PHKA2: variants seen among roughly 807,000 people sequenced by gnomAD.
PHKA2 encodes the protein phosphorylase b kinase regulatory subunit alpha, liver isoform.
Under a neutral mutation model 102.0 loss-of-function variants are expected in PHKA2, and 31 were observed. The ratio of observed to expected loss-of-function variants is 0.30; its 90% CI spans 0.23 to 0.41. The LOEUF is 0.41. Among genes scored for constraint, PHKA2 ranks in the 10% least tolerant of loss-of-function variants. PHKA2 has a pLI of 1.00. For missense variants in PHKA2, 858 were observed against 1,023.1 expected (o/e 0.84, Z 2.20); for synonymous variants, 455 against 416.2 (o/e 1.09, Z -1.13).
At chrX:18,912,225 A>C (rs1257568292) in intron 19 of PHKA2, among the ~76,000 whole-genome samples, 1 of 112,402 alleles carries the variant, frequency 8.9e-6, no homozygotes, top group African/African-American at 3.2e-5. Flanking sequence ...AAATATATAC[A>C]GTCATGCATT....
intron 1 of PHKA2, among the ~76,000 whole-genome samples, chrX:18,970,262 T>C (rs1322502932): frequency 3.6e-5 from 4 of 112,436 alleles, no homozygotes; most frequent in Non-Finnish European, 7.5e-5. Context: ...ATTTATCATA[T>C]ACAACATGTT....
At chrX:18,952,570 C>T (rs192011010) in intron 2 of PHKA2, 29 bp from the exon 3 acceptor site, 14 of 1,194,621 alleles carry the variant, frequency 1.2e-5, no homozygotes, top group East Asian at 5.9e-5. Context: ...ATCAGCAACA[C>T]GGCCCAGGGT....
chrX:18,934,576 G>A (rs760221234), intron 11 of PHKA2, among the ~76,000 whole-genome samples: 5 of 112,000 alleles, frequency 4.5e-5, no homozygotes, highest in South Asian at 7.4e-4. Flanking sequence ...TACTTCTCAC[G>A]GAAACTCCTT....
intron 11 of PHKA2, among the ~76,000 whole-genome samples, chrX:18,932,813 G>A (rs946784688): frequency 2.7e-5 from 3 of 111,129 alleles, no homozygotes; most frequent in Non-Finnish European, 3.8e-5. Flanking sequence ...AATGTAAGTC[G>A]TGTTAAGAAA....
Position 18,952,621 on chromosome X carries a change from C to T in PHKA2, c.238-80G>A. 2.1e-6 allele frequency: 2 copies of T among 975,062 alleles called. 1 individual carries two copies. The highest frequency in any genetic ancestry group is 5.4e-4 in the Middle Eastern group (2 of 3,688). The allele number at this position is 975,062 out of a possible 1,213,427, so 80.4% of individuals were successfully genotyped here. ...ATCACCTCCTGATCACTGTGGCTGG[C>T]AAGCCAGTGCTGCCCAGCAACTGCC... On this transcript the variant is annotated intron_variant, in intron 2 of 32. Coordinates refer to ENST00000379942, the MANE Select transcript of PHKA2 (RefSeq NM_000292.3).
At chrX:18,899,573 T>C (rs899314059) in intron 28 of PHKA2, among the ~76,000 whole-genome samples, 1 of 112,541 alleles carries the variant, frequency 8.9e-6, no homozygotes, top group Non-Finnish European at 1.9e-5. Context: ...AATGCTCACA[T>C]TTTATGGTAA....
chrX:18,895,468 G>A, intron 30 of PHKA2: 3 of 368,203 alleles, frequency 8.1e-6, no homozygotes, highest in Non-Finnish European at 9.6e-6. Flanking sequence ...GGGAGGCTCC[G>A]CATTGTACTT....
chrX:18,909,268 G>A lies in PHKA2; in HGVS notation c.2227-334C>T, dbSNP rs150644158. On this transcript the variant is annotated intron_variant, in intron 20 of 32. Coordinates refer to ENST00000379942, the MANE Select transcript of PHKA2 (RefSeq NM_000292.3). ...CCAGAAAAGGAGAAAGAGATGGGAG[G>A]GGGGCACAGAAGGTGGTCATTGATC... Among the ~76,000 whole-genome samples, 405 of 112,196 alleles carry A rather than the reference G, an allele frequency of 3.6e-3. 1 individual carries two copies. Among genetic ancestry groups the A allele is most frequent in the Non-Finnish European group, 6.1e-3 (325 of 53,208 alleles).
chrX:18,899,309 G>A lies in PHKA2; in HGVS notation c.3058-83C>T, dbSNP rs185271262. 999 of 793,762 alleles carry A rather than the reference G, an allele frequency of 1.3e-3. 8 individuals carry two copies. In the African/African-American group the frequency reaches 0.016, roughly 13 times the overall value. The allele number at this position is 793,762 out of a possible 1,213,427, so 65.4% of individuals were successfully genotyped here. A position where few individuals can be genotyped will look rare whatever the true frequency, so the allele number is the denominator to read the frequency against. ...AGAGGAGGGTCATGGAGCAGCATCC[G>A]AAACACCCACAGAAAGCAGCAGCAG... On this transcript the variant is annotated intron_variant, in intron 28 of 32. Transcript: ENST00000379942.
chrX:18,942,986 A>T (rs1601764993), intron 7 of PHKA2, among the ~76,000 whole-genome samples: 1 of 111,276 alleles, frequency 9.0e-6, no homozygotes, highest in African/African-American at 3.3e-5. Flanking sequence ...TTCTATAGCC[A>T]ACTGAGCCCA....
intron 20 of PHKA2, among the ~76,000 whole-genome samples, chrX:18,910,494 A>G (rs1394189723): frequency 9.0e-6 from 1 of 111,673 alleles, no homozygotes; most frequent in Non-Finnish European, 1.9e-5. Context: ...TAAAAAGGCC[A>G]TTAGGAACAA....
At chrX:18,898,318 G>A (rs767073774) in intron 29 of PHKA2, 2 of 112,803 alleles carry the variant, frequency 1.8e-5, no homozygotes, top group South Asian at 3.6e-4. Flanking sequence ...CTGGCGGGGC[G>A]GGCCTCTGTG....
chrX:18,959,507 T>A lies in PHKA2; in HGVS notation c.79-5095A>T, dbSNP rs186774886. 3.2e-4 allele frequency among the ~76,000 whole-genome samples: 36 copies of A among 111,631 alleles called. No individual in the cohort carries two copies. In the East Asian group the frequency reaches 9.5e-3, roughly 30 times the overall value. The stretch of plus-strand genomic sequence containing the variant: ...TTACTGGTGAAGATATTTTATCACA[T>A]TGACATTTTTGAAACAAAAAACCTG... On this transcript the variant is annotated intron_variant, in intron 1 of 32. Coordinates refer to ENST00000379942, the MANE Select transcript of PHKA2 (RefSeq NM_000292.3).
intron 15 of PHKA2, 90 bp downstream of exon 15, chrX:18,925,578 T>C: frequency 5.2e-6 from 3 of 578,141 alleles, no homozygotes; most frequent in Non-Finnish European, 9.4e-6. Context: ...AACCTATGCA[T>C]GCAGAATTCT....
intron 29 of PHKA2, among the ~76,000 whole-genome samples, chrX:18,898,376 T>C (rs1487674364): frequency 4.4e-5 from 5 of 113,041 alleles, no homozygotes; most frequent in Non-Finnish European, 7.5e-5. Flanking sequence ...GCCTTCTGTC[T>C]TGCCCTGCGG....
intron 31 of PHKA2, chrX:18,894,653 C>CCAGGGAG (rs2047500436): frequency 4.6e-6 from 2 of 439,445 alleles, no homozygotes; most frequent in Non-Finnish European, 8.0e-6. Flanking sequence ...ACTACAGCTT[C>CCAGGGAG]CAGGGAGCAG....
At position 18,920,068 on chromosome X, in the gene PHKA2, C is replaced by G. The variant is rs369400689; in HGVS notation, c.1927G>C (p.Asp643His). 74 of 1,202,479 alleles carry G rather than the reference C, an allele frequency of 6.2e-5. No homozygotes were observed. The highest frequency in any genetic ancestry group is 7.4e-5 in the Non-Finnish European group (66 of 888,279). ...EGTFSPDSDSDLVGYLEDTCN... is the reference protein window; with the variant it reads ...EGTFSPDSDSHLVGYLEDTCN... The stretch of plus-strand genomic sequence containing the variant: ...GTGTCTTCCAGATATCCTACCAAAT[C>G]TGAATCACTATCAGGACTGAAAGTC... The change falls in exon 18 of 33, where the codon GAT becomes CAT. Residue 643 changes from aspartate to histidine, a missense_variant. This residue lies in a region of PHKA2 where 671 missense variants were observed against 745.2 expected (regional missense o/e 0.90). Transcript: ENST00000379942.
intron 10 of PHKA2, 130 bp downstream of exon 10, chrX:18,938,497 A>G (rs1038644672): frequency 6.6e-5 from 43 of 655,280 alleles, no homozygotes; most frequent in Non-Finnish European, 1.0e-4. Context: ...CAGTTTTGGG[A>G]AAGTTTGCTA....
At chrX:18,955,383 T>A (rs2048759928) in intron 1 of PHKA2, among the ~76,000 whole-genome samples, 1 of 110,018 alleles carries the variant, frequency 9.1e-6, no homozygotes, top group Admixed American at 9.7e-5. Flanking sequence ...AGTTTTTTTT[T>A]TTTTTTTTTG....
Sources: gnomAD v4.1 joint callset for allele counts (sites outside exome capture counted in the v4.1 genomes callset) on GRCh38, gnomAD v4.1.1 for gene constraint, gnomAD v4.1.1 regional missense constraint, MANE v1.5 for transcripts, NCBI Gene and HGNC (gene_info 2026-07-23, HGNC 2026-07-21) for gene names.